The following PEPD variants were observed in gnomAD, a reference collection of about 807,000 sequenced individuals.
The protein encoded by PEPD is xaa-Pro dipeptidase.
A neutral mutation model predicts 60.7 loss-of-function variants in PEPD; 53 were observed. The observed-to-expected ratio is 0.87, with a 90% CI of 0.70 to 1.10. The LOEUF (loss-of-function observed/expected upper bound fraction) is 1.10, where lower values mean the gene tolerates loss of function less well. PEPD is among the 50% of genes least tolerant of loss of function. The probability of loss-of-function intolerance (pLI) is 0.00; values close to 1 mark genes in which losing one functional copy is unlikely to be tolerated. For missense variants in PEPD, 711 were observed against 711.9 expected (o/e 1.00, Z 0.01); for synonymous variants, 267 against 284.1 (o/e 0.94, Z 0.60).
intron 9 of PEPD, among the ~76,000 whole-genome samples, chr19:33,422,833 T>G (rs1969055143): frequency 1.5e-5 from 2 of 131,270 alleles, no homozygotes; most frequent in Admixed American, 1.5e-4. Context: ...TATCTATCTA[T>G]CTATCCATCT....
At chr19:33,510,558 TGGATGTTCTACACATGTGGGGATATTTGG>T (rs1400478715) in intron 3 of PEPD, among the ~76,000 whole-genome samples, 9 of 152,170 alleles carry the variant, frequency 5.9e-5, no homozygotes, top group African/African-American at 2.2e-4. Context: ...CAGGGAGCCA[TGGATGTTCTACACATGTGGGGATATTTGG>T]GGATGTTCTA....
At chr19:33,394,306 C>G (rs957544914) in intron 12 of PEPD, among the ~76,000 whole-genome samples, 1 of 152,272 alleles carries the variant, frequency 6.6e-6, no homozygotes, top group East Asian at 1.9e-4. Context: ...ACGTTCTTGG[C>G]CCAGCCTCCG....
intron 9 of PEPD, among the ~76,000 whole-genome samples, chr19:33,421,992 C>T (rs771203873): frequency 3.3e-5 from 5 of 152,046 alleles, no homozygotes; most frequent in African/African-American, 9.7e-5. Flanking sequence ...GCTCCACAAA[C>T]GGATCCTTCC....
intron 12 of PEPD, among the ~76,000 whole-genome samples, chr19:33,392,650 C>T (rs1022291476): frequency 1.3e-5 from 2 of 152,216 alleles, no homozygotes; most frequent in African/African-American, 4.8e-5. Context: ...GCGGAGTGAC[C>T]TTGGCTCCCG....
Position 33,413,706 on chromosome 19 carries a change from C to A in PEPD, c.672-63G>T, listed in dbSNP as rs1004282354. On this transcript the variant is annotated intron_variant, in intron 9 of 14. Transcript: ENST00000244137. ...AGCAGGCACACCCCACTCCACGAGC[C>A]CCATGAACCCCAAGGGAAGGCCCTC... 3.0e-5 allele frequency: 30 copies of A among 990,296 alleles called. 1 individual carries two copies. The South Asian group carries it at 3.7e-4, about 12-fold the overall frequency. 61.3% of individuals were successfully genotyped at this position (990,296 alleles called of 1,614,324 possible).
Position 33,387,284 on chromosome 19 carries a change from C to T in PEPD, c.*60G>A. On this transcript the variant is annotated 3_prime_UTR_variant, in exon 15 of 15. Transcript: ENST00000244137. ...ACTGGAGTGCTGACCAGCAGGCTGCCCATCACGAAAAGAGGTTGCAAGGCC... is the reference window on the plus strand; with the variant it reads ...ACTGGAGTGCTGACCAGCAGGCTGCTCATCACGAAAAGAGGTTGCAAGGCC... 2 of 1,601,314 alleles carry T rather than the reference C, an allele frequency of 1.2e-6. No homozygotes were observed. The highest frequency in any genetic ancestry group is 2.2e-5 in the South Asian group (2 of 90,742).
chr19:33,463,096 C>T (rs566454759), intron 8 of PEPD, 55 bp from the exon 9 acceptor site: 17 of 1,063,542 alleles, frequency 1.6e-5, no homozygotes, highest in East Asian at 2.4e-5. Flanking sequence ...AGTAACACAG[C>T]GTGATAAATA....
intron 11 of PEPD, among the ~76,000 whole-genome samples, chr19:33,407,638 C>A (rs1303409820): frequency 6.6e-6 from 1 of 152,204 alleles, no homozygotes; most frequent in Non-Finnish European, 1.5e-5. Context: ...TAACCCTGTT[C>A]TTGAAGGTCT....
chr19:33,423,128 T>TCCATCC (rs1568463936), intron 9 of PEPD, among the ~76,000 whole-genome samples: 3 of 87,290 alleles, frequency 3.4e-5, no homozygotes, highest in South Asian at 3.1e-4. Context: ...TCCATCCATC[T>TCCATCC]ATCCAACCAT....
chr19:33,448,211 C>T (rs1172470606), intron 9 of PEPD, among the ~76,000 whole-genome samples: 1 of 152,214 alleles, frequency 6.6e-6, no homozygotes, highest in African/African-American at 2.4e-5. Flanking sequence ...CACCAAACCT[C>T]ACAGCATAAT....
At chr19:33,510,472 G>A (rs1162365750) in intron 3 of PEPD, among the ~76,000 whole-genome samples, 1 of 152,190 alleles carries the variant, frequency 6.6e-6, no homozygotes, top group Admixed American at 6.5e-5. Context: ...TCAGGGGATT[G>A]GTTTGACCAC....
intron 6 of PEPD, among the ~76,000 whole-genome samples, chr19:33,479,966 G>C: frequency 6.6e-6 from 1 of 152,150 alleles, no homozygotes; most frequent in East Asian, 1.9e-4. Flanking sequence ...TGGTATTTCT[G>C]TTTTTAGGTC....
At chr19:33,507,503 G>A (rs1210300655) in intron 3 of PEPD, among the ~76,000 whole-genome samples, 1 of 152,168 alleles carries the variant, frequency 6.6e-6, no homozygotes, top group South Asian at 2.1e-4. Flanking sequence ...CAGCAAGACC[G>A]TTTCCACAGG....
intron 9 of PEPD, among the ~76,000 whole-genome samples, chr19:33,434,208 G>A (rs755022450): frequency 2.6e-5 from 4 of 152,094 alleles, no homozygotes; most frequent in Non-Finnish European, 5.9e-5. Context: ...CTGCCCGACA[G>A]TTCTCCCTGT....
chr19:33,444,525 C>T (rs1265184366), intron 9 of PEPD, among the ~76,000 whole-genome samples: 1 of 150,212 alleles, frequency 6.7e-6, no homozygotes, highest in Non-Finnish European at 1.5e-5. Context: ...GGACTCAGGG[C>T]CCCTCCTCCT....
chr19:33,457,235 C>T (rs970903335), intron 9 of PEPD, among the ~76,000 whole-genome samples: 24 of 151,986 alleles, frequency 1.6e-4, no homozygotes, highest in African/African-American at 5.6e-4. Context: ...AGTTCTAGAC[C>T]AGCCTGGGCA....
chr19:33,387,922 C>T lies in PEPD; in HGVS notation c.1312G>A (p.Glu438Lys), dbSNP rs376211407. The stretch of plus-strand genomic sequence containing the variant: ...AAACCGCGAAAGCGCTGCAGGACCT[C>T]GCGGTTAAGGAAGGAGGCGCGGGCC... ...DPARASFLNR[E>K]VLQRFRGFGG... Residue 438 changes from glutamate (E) to lysine (K), a missense_variant, in exon 14 of 15, where the codon GAG (glutamate) becomes AAG (lysine). Transcript: ENST00000244137. 2.6e-5 allele frequency: 41 copies of T among 1,590,318 alleles called. No homozygotes were observed. Among genetic ancestry groups the T allele is most frequent in the Middle Eastern group, 1.7e-4 (1 of 5,988 alleles).
intron 9 of PEPD, among the ~76,000 whole-genome samples, chr19:33,414,406 G>C (rs1042163914): frequency 6.6e-6 from 1 of 152,224 alleles, no homozygotes; most frequent in Non-Finnish European, 1.5e-5. Context: ...TCACTGCATG[G>C]ATCTTTGAGC....
At chr19:33,514,520 T>C (rs550440196) in intron 1 of PEPD, among the ~76,000 whole-genome samples, 15 of 152,060 alleles carry the variant, frequency 9.9e-5, no homozygotes, top group Admixed American at 8.5e-4. Context: ...TACTAGTCCC[T>C]GGCCTGAGGT....
Sources: gnomAD v4.1 joint callset for allele counts (sites outside exome capture counted in the v4.1 genomes callset) on GRCh38, gnomAD v4.1.1 for gene constraint, MANE v1.5 for transcripts, NCBI Gene and HGNC (gene_info 2026-07-23, HGNC 2026-07-21) for gene names.